The following THSD7B variants were observed in gnomAD, a reference collection of about 807,000 sequenced individuals.
THSD7B encodes thrombospondin type 1 domain containing 7B, also known as thrombospondin type-1 domain-containing protein 7B.
THSD7B carries 138 observed loss-of-function variants against 213.6 expected under a neutral mutation model. The ratio of observed to expected loss-of-function variants is 0.65; its 90% CI spans 0.56 to 0.74. The LOEUF is 0.74. THSD7B is among the 30% of genes least tolerant of loss of function. The pLI, the probability that THSD7B is intolerant of heterozygous loss-of-function variation, is 0.00. For synonymous variants in THSD7B, 742 were observed against 687.0 expected (o/e 1.08, Z -1.25); for missense variants, 1,931 against 1,991.5 (o/e 0.97, Z 0.58).
intron 2 of THSD7B, among the ~76,000 whole-genome samples, chr2:136,925,861 T>C (rs1448118591): frequency 6.6e-6 from 1 of 152,234 alleles, no homozygotes; most frequent in Non-Finnish European, 1.5e-5. Context: ...TAGTCAATTT[T>C]TAAAATTAAT....
chr2:137,065,221 G>T (rs935919345), intron 3 of THSD7B, among the ~76,000 whole-genome samples: 1 of 151,784 alleles, frequency 6.6e-6, no homozygotes, highest in African/African-American at 2.4e-5. Context: ...TCATTGTAGA[G>T]ATCTTTCACT....
In THSD7B at chr2:137,642,501, G is replaced by C. The variant is rs1682958353; in HGVS notation, c.3813G>C (p.Arg1271=). The change falls in exon 21 of 28, where the codon CGG becomes CGC. Residue 1271 remains arginine, a synonymous_variant. Transcript: ENST00000409968. ...QTCGHGGRMS[R]TRFIIMPTQG... ...TTATCATTTTAGGTCGAATGAGCCG[G>C]ACTCGATTTATCATTATGCCAACCC... 1.9e-6 allele frequency: 3 copies of C among 1,613,712 alleles called. No individual in the cohort carries two copies. Among genetic ancestry groups the C allele is most frequent in the Non-Finnish European group, 2.5e-6 (3 of 1,179,808 alleles).
chr2:137,633,023 A>T (rs1682769487), intron 20 of THSD7B, among the ~76,000 whole-genome samples: 1 of 152,180 alleles, frequency 6.6e-6, no homozygotes, highest in African/African-American at 2.4e-5. Flanking sequence ...TGCTGCATCA[A>T]TACCACACAT....
intron 14 of THSD7B, among the ~76,000 whole-genome samples, chr2:137,443,019 C>T (rs1687450983): frequency 6.6e-6 from 1 of 152,130 alleles, no homozygotes; most frequent in Non-Finnish European, 1.5e-5. Context: ...TTAATTTTAA[C>T]AGCACTTATT....
chr2:136,864,599 C>T (rs1683303863), intron 1 of THSD7B, among the ~76,000 whole-genome samples: 1 of 151,752 alleles, frequency 6.6e-6, no homozygotes, highest in Non-Finnish European at 1.5e-5. Flanking sequence ...GTTGCCCAGG[C>T]TGGAGTGCAG....
At chr2:136,792,084 A>G (rs1681974785) in intron 1 of THSD7B, among the ~76,000 whole-genome samples, 1 of 151,950 alleles carries the variant, frequency 6.6e-6, no homozygotes, top group African/African-American at 2.4e-5. Context: ...GTGGCATCTC[A>G]TTGTGCTTTT....
At chr2:137,506,731 T>A (rs1411407414) in intron 15 of THSD7B, among the ~76,000 whole-genome samples, 2 of 152,240 alleles carry the variant, frequency 1.3e-5, no homozygotes, top group African/African-American at 4.8e-5. Flanking sequence ...GATGACCTCC[T>A]GATGAAAACC....
At chr2:137,447,220 T>C (rs991764407) in intron 14 of THSD7B, among the ~76,000 whole-genome samples, 15 of 152,212 alleles carry the variant, frequency 9.9e-5, no homozygotes, top group East Asian at 3.9e-4. Context: ...AAAAAAAGTA[T>C]TGCTACAGGC....
At chr2:137,659,785 T>C in intron 25 of THSD7B, 39 bp downstream of exon 25, 1 of 1,552,718 alleles carries the variant, frequency 6.4e-7, no homozygotes, top group Non-Finnish European at 8.7e-7. Context: ...GTGCATTAAT[T>C]GCTGTGTTTT....
chr2:137,425,390 T>A (rs1412216639), intron 14 of THSD7B, among the ~76,000 whole-genome samples: 1 of 151,934 alleles, frequency 6.6e-6, no homozygotes, highest in African/African-American at 2.4e-5. Flanking sequence ...CTAATTTTTG[T>A]AATTTTAGTA....
chr2:137,136,933 C>T (rs1679478781), intron 5 of THSD7B, among the ~76,000 whole-genome samples: 1 of 152,170 alleles, frequency 6.6e-6, no homozygotes, highest in African/African-American at 2.4e-5. Context: ...AACATAATCA[C>T]AGTTAATTCC....
chr2:137,402,070 A>T (rs1051568644), intron 12 of THSD7B, among the ~76,000 whole-genome samples: 7 of 152,370 alleles, frequency 4.6e-5, no homozygotes, highest in Non-Finnish European at 7.3e-5. Flanking sequence ...TACTTTATTT[A>T]AAAACAAATA....
At chr2:137,618,731 TA>T (rs138191400) in intron 19 of THSD7B, among the ~76,000 whole-genome samples, 1 of 152,178 alleles carries the variant, frequency 6.6e-6, no homozygotes, top group African/African-American at 2.4e-5. Flanking sequence ...ATGGGTTCAT[TA>T]AAAAATATAT....
At chr2:137,325,923 C>T (rs1249046133) in intron 12 of THSD7B, among the ~76,000 whole-genome samples, 2 of 152,194 alleles carry the variant, frequency 1.3e-5, no homozygotes, top group Non-Finnish European at 2.9e-5. Flanking sequence ...GTTGCCATAA[C>T]ATCTAAAGGA....
intron 15 of THSD7B, among the ~76,000 whole-genome samples, chr2:137,494,799 C>A (rs193134843): frequency 2.0e-5 from 3 of 152,308 alleles, no homozygotes; most frequent in Non-Finnish European, 4.4e-5. Context: ...ACCCCTCTCC[C>A]AGTCATCTAG....
chr2:137,302,192 A>G (rs576968723), intron 12 of THSD7B, among the ~76,000 whole-genome samples: 49 of 152,248 alleles, frequency 3.2e-4, no homozygotes, highest in Non-Finnish European at 2.8e-4. Context: ...TATTTAAACA[A>G]TGGGACTGAA....
chr2:137,358,889 C>A (rs11889060), intron 12 of THSD7B, among the ~76,000 whole-genome samples: 1 of 152,148 alleles, frequency 6.6e-6, no homozygotes. Context: ...TATATTAGCA[C>A]CTTTGCTTGT....
rs868349760 is a variant in THSD7B, at chr2:137,473,577, T to C, written c.3138+22554T>C. Among the ~76,000 whole-genome samples the C allele has an allele frequency of 2.6e-5, 4 of 152,310 alleles. No homozygotes were observed. In the South Asian group the frequency reaches 6.2e-4, roughly 24 times the overall value. Reference sequence around the variant, plus strand: ...AAGAGAACTCTCAAACCTTAGTATGTAGCAGAATTATTTTATGCTCACTTC... The same window carrying C: ...AAGAGAACTCTCAAACCTTAGTATGCAGCAGAATTATTTTATGCTCACTTC... On this transcript the variant is annotated intron_variant, in intron 15 of 27. Coordinates refer to ENST00000409968, the MANE Select transcript of THSD7B (RefSeq NM_001316349.2).
At chr2:136,767,803 A>G (rs1160638952) in intron 1 of THSD7B, among the ~76,000 whole-genome samples, 1 of 152,118 alleles carries the variant, frequency 6.6e-6, no homozygotes, top group Non-Finnish European at 1.5e-5. Flanking sequence ...CTGTTGGTGG[A>G]CTTTGATAGT....
Sources: allele counts gnomAD v4.1 joint callset (sites outside exome capture counted in the v4.1 genomes callset), GRCh38; gene constraint gnomAD v4.1.1; transcripts MANE v1.5; gene names NCBI Gene and HGNC (gene_info 2026-07-23, HGNC 2026-07-21).